Variants in ZFHX3 observed in about 807,000 individuals in gnomAD.
ZFHX3 encodes zinc finger homeobox protein 3.
A neutral mutation model predicts 279.1 loss-of-function variants in ZFHX3; 42 were observed. That is an observed-to-expected ratio of 0.15 (90% CI 0.12 to 0.19). The LOEUF is 0.19. Ranked by LOEUF, ZFHX3 falls within the 10% of genes least tolerant of loss-of-function variation. The probability of loss-of-function intolerance (pLI) is 1.00; values close to 1 mark genes in which losing one functional copy is unlikely to be tolerated. For synonymous variants in ZFHX3, 2,293 were observed against 1,957.8 expected (o/e 1.17, Z -4.52); for missense variants, 4,981 against 4,754.0 (o/e 1.05, Z -1.40).
intron 3 of ZFHX3, among the ~76,000 whole-genome samples, chr16:72,895,944 T>TA (rs1472123274): frequency 6.6e-6 from 1 of 152,220 alleles, no homozygotes; most frequent in African/African-American, 2.4e-5. Context: ...GACTGGATCA[T>TA]AAGAACTGCA....
intron 3 of ZFHX3, among the ~76,000 whole-genome samples, chr16:72,932,468 A>G (rs892541236): frequency 3.7e-5 from 5 of 134,828 alleles, no homozygotes; most frequent in Admixed American, 1.6e-4. Context: ...TCCCTTTGGG[A>G]AAAAAAAAAA....
chr16:73,738,510 A>T (rs1182533555), intron 1 of ZFHX3, among the ~76,000 whole-genome samples: 1 of 152,234 alleles, frequency 6.6e-6, no homozygotes, highest in Non-Finnish European at 1.5e-5. Flanking sequence ...ATTCTTCATT[A>T]AGTCGTGAGG....
intron 2 of ZFHX3, among the ~76,000 whole-genome samples, chr16:73,676,890 A>ACAATT (rs1253872383): frequency 6.6e-6 from 1 of 152,030 alleles, no homozygotes; most frequent in Non-Finnish European, 1.5e-5. Context: ...TTAAGGGAAT[A>ACAATT]CAATTCAACA....
Position 73,312,994 on chromosome 16 carries a change from A to G in ZFHX3, c.-1194+5246T>C, listed in dbSNP as rs72797398. ...ATGGTTTGGCTCTGTGTCCAAACCCAAACCTCATGTTGAATTGTCATCCCC... is the reference window on the plus strand; with the variant it reads ...ATGGTTTGGCTCTGTGTCCAAACCCGAACCTCATGTTGAATTGTCATCCCC... On this transcript the variant is annotated intron_variant, in intron 4 of 17. Coordinates refer to the ZFHX3 transcript ENST00000641206. Among the ~76,000 whole-genome samples the G allele has an allele frequency of 4.6e-3, 705 of 152,360 alleles. 8 individuals carry two copies. Among genetic ancestry groups the G allele is most frequent in the Middle Eastern group, 0.01 (3 of 294 alleles).
chr16:73,435,272 G>A (rs746789980), intron 3 of ZFHX3, among the ~76,000 whole-genome samples: 12 of 152,066 alleles, frequency 7.9e-5, no homozygotes, highest in Admixed American at 2.0e-4. Flanking sequence ...GCAGTGATGC[G>A]ATCTCGGCTC....
intron 1 of ZFHX3, among the ~76,000 whole-genome samples, chr16:73,725,144 G>T (rs1228185962): frequency 1.3e-5 from 2 of 152,152 alleles, no homozygotes; most frequent in East Asian, 1.9e-4. Context: ...CAAACATCTG[G>T]TCAATCAAAT....
intron 3 of ZFHX3, among the ~76,000 whole-genome samples, chr16:73,360,317 G>T (rs912929940): frequency 5.9e-5 from 9 of 152,138 alleles, no homozygotes; most frequent in African/African-American, 2.2e-4. Flanking sequence ...ATAAAGCCGA[G>T]ATTTGTTTTG....
rs575358428 is a variant in ZFHX3 at position 73,338,071 on chromosome 16, T to A, written c.-1290-19735A>T. Among the ~76,000 whole-genome samples, 4 of 152,258 alleles carry A rather than the reference T, an allele frequency of 2.6e-5. No individual in the cohort carries two copies. In the South Asian group the frequency reaches 8.3e-4, roughly 32 times the overall value. ...TCAAAACCCTAACTGATCTTGCTCA[T>A]CAAAACCCTACGTCTGATAAACTAA... On this transcript the variant is annotated intron_variant, in intron 3 of 17. Coordinates refer to the ZFHX3 transcript ENST00000641206.
chr16:72,817,735 T>C (rs527425479), intron 5 of ZFHX3, among the ~76,000 whole-genome samples: 2 of 152,218 alleles, frequency 1.3e-5, no homozygotes, highest in South Asian at 4.2e-4. Flanking sequence ...CTCCTGGAGG[T>C]GGTAATCACC....
At chr16:73,239,306 G>C (rs1366364578) in intron 5 of ZFHX3, among the ~76,000 whole-genome samples, 1 of 152,202 alleles carries the variant, frequency 6.6e-6, no homozygotes, top group East Asian at 1.9e-4. Context: ...CGAGAGACAA[G>C]CAGTGGGGTG....
At chr16:73,497,174 T>G (rs1033595717) in intron 2 of ZFHX3, among the ~76,000 whole-genome samples, 3 of 152,220 alleles carry the variant, frequency 2.0e-5, no homozygotes, top group African/African-American at 7.2e-5. Flanking sequence ...CCTGACTAAT[T>G]CAGGGGGACC....
At chr16:73,487,421 T>G (rs2018994706) in intron 2 of ZFHX3, 2 of 436,590 alleles carry the variant, frequency 4.6e-6, no homozygotes, top group East Asian at 1.4e-4. Flanking sequence ...TTTTTTTTTT[T>G]TGGCAGAGTC....
At chr16:73,095,477 T>G (rs1664501325) in intron 7 of ZFHX3, among the ~76,000 whole-genome samples, 1 of 152,202 alleles carries the variant, frequency 6.6e-6, no homozygotes, top group Admixed American at 6.5e-5. Flanking sequence ...TGCTGAAACA[T>G]TAACCTTTCG....
intron 3 of ZFHX3, among the ~76,000 whole-genome samples, chr16:72,930,900 G>A (rs74866145): frequency 0.041 from 6,196 of 152,238 alleles, 299 homozygotes; most frequent in African/African-American, 0.1. Flanking sequence ...CATCCTGGAC[G>A]TTACAATATC....
intron 7 of ZFHX3, 138 bp from the exon 8 acceptor site, chr16:72,800,267 A>C: frequency 1.5e-6 from 1 of 670,322 alleles, no homozygotes. Context: ...AGCTCACTGA[A>C]GATTCATGTT....
At chr16:72,923,823 T>C (rs930513800) in intron 3 of ZFHX3, among the ~76,000 whole-genome samples, 3 of 152,200 alleles carry the variant, frequency 2.0e-5, no homozygotes, top group Non-Finnish European at 4.4e-5. Context: ...CCGATCAACA[T>C]ACACAGTTGA....
intron 2 of ZFHX3, among the ~76,000 whole-genome samples, chr16:73,465,441 C>A (rs180873302): frequency 6.6e-6 from 1 of 152,160 alleles, no homozygotes; most frequent in African/African-American, 2.4e-5. Context: ...CCCGCCACCT[C>A]GAAAGCTGCC....
chr16:73,171,655 C>T (rs1245556165), intron 5 of ZFHX3, among the ~76,000 whole-genome samples: 1 of 152,164 alleles, frequency 6.6e-6, no homozygotes, highest in Non-Finnish European at 1.5e-5. Flanking sequence ...CAGTTAATTG[C>T]CATCTGTTGA....
intron 2 of ZFHX3, among the ~76,000 whole-genome samples, chr16:73,482,177 G>T (rs549032252): frequency 6.6e-6 from 1 of 152,246 alleles, no homozygotes; most frequent in South Asian, 2.1e-4. Flanking sequence ...TGAGACACAG[G>T]GGGTGGCCTT....
Sources: gnomAD v4.1 joint callset for allele counts (sites outside exome capture counted in the v4.1 genomes callset) on GRCh38, gnomAD v4.1.1 for gene constraint, MANE v1.5 for transcripts, NCBI Gene and HGNC (gene_info 2026-07-23, HGNC 2026-07-21) for gene names.